Variants in EGLN1 observed in about 807,000 individuals in gnomAD.
The protein encoded by EGLN1 is egl nine homolog 1.
In EGLN1, 17 loss-of-function variants were observed where a neutral mutation model predicts 38.3. The ratio of observed to expected loss-of-function variants is 0.44; its 90% CI spans 0.30 to 0.67. The LOEUF (loss-of-function observed/expected upper bound fraction) is 0.67. EGLN1 is among the 30% of genes least tolerant of loss of function. The pLI is 0.08. For missense variants in EGLN1, 477 were observed against 603.3 expected (o/e 0.79, Z 2.19); for synonymous variants, 283 against 257.5 (o/e 1.10, Z -0.95).
chr1:231,366,375 T>C lies in EGLN1; in HGVS notation c.*36A>G, dbSNP rs768734691. ...ACAAGTTAACAAATAGTTAACAATA[T>C]TGTAGGTGAAGTGGGGTATTGCTGG... On this transcript the variant is annotated 3_prime_UTR_variant, in exon 5 of 5. Coordinates refer to ENST00000366641, the MANE Select transcript of EGLN1 (RefSeq NM_022051.3). 11 of 1,599,966 alleles carry C rather than the reference T, an allele frequency of 6.9e-6. No individual in the cohort carries two copies. Among genetic ancestry groups the C allele is most frequent in the South Asian group, 6.6e-5 (6 of 90,792 alleles).
At chr1:231,369,042 AC>A (rs1553349336) in intron 3 of EGLN1, among the ~76,000 whole-genome samples, 2 of 152,096 alleles carry the variant, frequency 1.3e-5, no homozygotes, top group Non-Finnish European at 2.9e-5. Flanking sequence ...TCAACAACTT[AC>A]CTTATGTCAT....
intron 1 of EGLN1, among the ~76,000 whole-genome samples, chr1:231,397,412 C>T (rs1011284817): frequency 6.6e-6 from 1 of 152,236 alleles, no homozygotes; most frequent in Non-Finnish European, 1.5e-5. Flanking sequence ...TCCCTTGGCA[C>T]AATGCCACTA....
chr1:231,420,631 T>G (rs1054742511), intron 1 of EGLN1, among the ~76,000 whole-genome samples: 1 of 152,166 alleles, frequency 6.6e-6, no homozygotes, highest in Admixed American at 6.5e-5. Context: ...GGACTTGCTT[T>G]GGGTGGTACT....
chr1:231,388,105 T>C (rs1015717112), intron 1 of EGLN1, among the ~76,000 whole-genome samples: 6 of 152,206 alleles, frequency 3.9e-5, no homozygotes, highest in South Asian at 2.1e-4. Flanking sequence ...ATTTTGGTTG[T>C]AGAGGGTGTT....
At chr1:231,397,903 TA>T (rs1273878904) in intron 1 of EGLN1, among the ~76,000 whole-genome samples, 1 of 152,164 alleles carries the variant, frequency 6.6e-6, no homozygotes, top group Non-Finnish European at 1.5e-5. Context: ...AATGGAATAC[TA>T]CTACACAGAG....
At chr1:231,380,424 C>G (rs1047990720) in intron 1 of EGLN1, among the ~76,000 whole-genome samples, 9 of 151,186 alleles carry the variant, frequency 6.0e-5, no homozygotes, top group Middle Eastern at 3.2e-3. Context: ...TGATTTCTGA[C>G]TAATTTTTTG....
chr1:231,407,609 G>T (rs1688830764), intron 1 of EGLN1, among the ~76,000 whole-genome samples: 1 of 152,068 alleles, frequency 6.6e-6, no homozygotes, highest in Admixed American at 6.5e-5. Flanking sequence ...TGTTTTGAAG[G>T]ATTCACACAC....
chr1:231,416,351 C>A (rs1302714106), intron 1 of EGLN1, among the ~76,000 whole-genome samples: 1 of 151,998 alleles, frequency 6.6e-6, no homozygotes, highest in African/African-American at 2.4e-5. Context: ...ATCTCCTCCT[C>A]CTCCACGTAA....
chr1:231,413,447 T>C (rs1182705226), intron 1 of EGLN1, among the ~76,000 whole-genome samples: 1 of 152,184 alleles, frequency 6.6e-6, no homozygotes, highest in African/African-American at 2.4e-5. Context: ...CATATCCACA[T>C]AACTAATTTC....
At chr1:231,389,585 G>C (rs867163155) in intron 1 of EGLN1, among the ~76,000 whole-genome samples, 1 of 152,298 alleles carries the variant, frequency 6.6e-6, no homozygotes, top group Non-Finnish European at 1.5e-5. Flanking sequence ...GCACCTTCTA[G>C]TTTGTAAAAC....
At chr1:231,395,117 G>C (rs1688487744) in intron 1 of EGLN1, among the ~76,000 whole-genome samples, 1 of 152,124 alleles carries the variant, frequency 6.6e-6, no homozygotes, top group African/African-American at 2.4e-5. Context: ...CCTCCTCAGA[G>C]ATCTTTTACT....
In EGLN1 at chr1:231,374,118, T is replaced by C. The variant is rs1357230180; in HGVS notation, c.892-19A>G. ...CCATGGCCTGTAATAATGATAATAATGATTATTAAAGTCCATGTATAAATA... is the reference window on the plus strand; with the variant it reads ...CCATGGCCTGTAATAATGATAATAACGATTATTAAAGTCCATGTATAAATA... On this transcript the variant is annotated intron_variant, in intron 1 of 4. Coordinates refer to ENST00000366641, the MANE Select transcript of EGLN1 (RefSeq NM_022051.3). 4 of 1,611,386 alleles carry C rather than the reference T, an allele frequency of 2.5e-6. No homozygotes were observed. The highest frequency in any genetic ancestry group is 3.4e-6 in the Non-Finnish European group (4 of 1,177,786).
chr1:231,395,363 C>T lies in EGLN1; in HGVS notation c.892-21264G>A, dbSNP rs150630854. On this transcript the variant is annotated intron_variant, in intron 1 of 4. Coordinates refer to ENST00000366641, the MANE Select transcript of EGLN1 (RefSeq NM_022051.3). ...CTCAGTGATCTTGCAGGGTAAACCT[C>T]GGCCAAAAGAAGTATCTAACAACTG... 2.6e-3 allele frequency among the ~76,000 whole-genome samples: 391 copies of T among 152,284 alleles called. 7 individuals are homozygous for T. Among genetic ancestry groups the T allele is most frequent in the African/African-American group, 8.6e-3 (356 of 41,556 alleles).
chr1:231,385,815 G>A (rs1688190896), intron 1 of EGLN1, among the ~76,000 whole-genome samples: 1 of 152,160 alleles, frequency 6.6e-6, no homozygotes, highest in African/African-American at 2.4e-5. Context: ...AGGCTCTTAA[G>A]AATTCAGTAA....
chr1:231,387,435 C>A, intron 1 of EGLN1, among the ~76,000 whole-genome samples: 1 of 150,642 alleles, frequency 6.6e-6, no homozygotes, highest in East Asian at 2.0e-4. Context: ...TCTCGGCTCA[C>A]TGCAAGCTCC....
chr1:231,398,471 C>T (rs755579228), intron 1 of EGLN1, among the ~76,000 whole-genome samples: 2 of 152,288 alleles, frequency 1.3e-5, no homozygotes, highest in Non-Finnish European at 2.9e-5. Flanking sequence ...GACCACCACC[C>T]ATTTTTGTAA....
At chr1:231,393,437 T>G (rs2739506) in intron 1 of EGLN1, among the ~76,000 whole-genome samples, 82,869 of 152,006 alleles carry the variant, frequency 0.55, 24,210 homozygotes, top group Non-Finnish European at 0.65. Context: ...CCTAATCTTG[T>G]TTCTAACAAT....
At chr1:231,396,163 C>T (rs1688523876) in intron 1 of EGLN1, among the ~76,000 whole-genome samples, 1 of 151,680 alleles carries the variant, frequency 6.6e-6, no homozygotes, top group Admixed American at 6.6e-5. Context: ...CCCCCGTCTT[C>T]TGGTTTTCTT....
At chr1:231,415,330 A>C (rs1257759695) in intron 1 of EGLN1, among the ~76,000 whole-genome samples, 1 of 152,022 alleles carries the variant, frequency 6.6e-6, no homozygotes, top group Non-Finnish European at 1.5e-5. Context: ...AATATGTATA[A>C]AGTTACAGAT....
Sources: allele counts gnomAD v4.1 joint callset (sites outside exome capture counted in the v4.1 genomes callset), GRCh38; gene constraint gnomAD v4.1.1; transcripts MANE v1.5; gene names NCBI Gene and HGNC (gene_info 2026-07-23, HGNC 2026-07-21).